The following FGD4 variants were observed in gnomAD, a reference collection of about 807,000 sequenced individuals.
FGD4 encodes the protein FYVE, RhoGEF and PH domain containing 4.
In FGD4, 42 loss-of-function variants were observed where a neutral mutation model predicts 102.0. The ratio of observed to expected loss-of-function variants is 0.41; its 90% CI spans 0.32 to 0.53. The LOEUF (loss-of-function observed/expected upper bound fraction) is 0.53. FGD4 is among the 20% of genes least tolerant of loss of function. FGD4 has a pLI of 0.21. For missense variants in FGD4, 902 were observed against 1,078.2 expected (o/e 0.84, Z 2.29); for synonymous variants, 380 against 375.7 (o/e 1.01, Z -0.13).
intron 16 of FGD4, chr12:32,639,043 TG>T: frequency 9.6e-7 from 1 of 1,038,464 alleles, no homozygotes; most frequent in Non-Finnish European, 1.3e-6. Context: ...TGAGAAAAGA[TG>T]AGTTGAATTA....
intron 3 of FGD4, 150 bp from the exon 4 acceptor site, chr12:32,581,810 A>C: frequency 1.2e-6 from 1 of 815,054 alleles, no homozygotes; most frequent in Non-Finnish European, 1.9e-6. Flanking sequence ...TTGGGTCTAC[A>C]CTAAGAATAT....
intron 4 of FGD4, among the ~76,000 whole-genome samples, chr12:32,590,226 C>T (rs976963798): frequency 2.0e-5 from 3 of 149,936 alleles, no homozygotes; most frequent in African/African-American, 7.4e-5. Flanking sequence ...AGGAGAATCA[C>T]TTGAACCCGA....
In FGD4 at chr12:32,576,361, G is replaced by A; in HGVS notation, c.415G>A (p.Glu139Lys). 2 of 1,614,086 alleles carry A rather than the reference G, an allele frequency of 1.2e-6. No homozygotes were observed. The highest frequency in any genetic ancestry group is 1.7e-6 in the Non-Finnish European group (2 of 1,180,008). ...KALPSAKPRM[E>K]EIKPASASCV... is the part of the protein sequence containing the mutation. ...TTTACCTAGTGCAAAACCAAGGATG[G>A]AGGAAATTAAACCTGCCTCTGCTTC... is the stretch of plus-strand genomic sequence containing the variant. The change falls in exon 3 of 17, where the codon GAG (glutamate) becomes AAG (lysine). Residue 139 changes from glutamate to lysine, a missense_variant. Physicochemically the swap from Glu to Lys is moderately conservative, Grantham distance 56. Coordinates refer to ENST00000534526, the MANE Select transcript of FGD4 (RefSeq NM_001370298.3).
At chr12:32,446,069 C>T (rs1303794329) in intron 1 of FGD4, among the ~76,000 whole-genome samples, 1 of 152,124 alleles carries the variant, frequency 6.6e-6, no homozygotes, top group Non-Finnish European at 1.5e-5. Flanking sequence ...GGGAGAATCA[C>T]CTGACCCTAG....
At position 32,576,444 on chromosome 12, in the gene FGD4, A is replaced by AGGC. The variant is rs1223446306; in HGVS notation, c.499_501dup (p.Gly167dup). 7.4e-6 allele frequency: 12 copies of AGGC among 1,614,026 alleles called. No homozygotes were observed. Among genetic ancestry groups the AGGC allele is most frequent in the Non-Finnish European group, 9.3e-6 (11 of 1,180,008 alleles). ...CAGATCTCATCAGTCGCTTTGAAGG[A>AGGC]GGCAGGTAAGAGCTAATTTACAATG... On this transcript the variant is annotated inframe_insertion, in exon 3 of 17. Transcript: ENST00000534526.
At chr12:32,594,379 G>A (rs1947708362) in intron 4 of FGD4, among the ~76,000 whole-genome samples, 1 of 152,172 alleles carries the variant, frequency 6.6e-6, no homozygotes, top group Non-Finnish European at 1.5e-5. Context: ...ATCTGTCGCT[G>A]TCTCCCATCA....
intron 1 of FGD4, among the ~76,000 whole-genome samples, chr12:32,404,859 G>A (rs1940855152): frequency 6.6e-6 from 1 of 152,144 alleles, no homozygotes; most frequent in Non-Finnish European, 1.5e-5. Context: ...GCTCCTTAAA[G>A]ATGGGCTCTG....
intron 11 of FGD4, among the ~76,000 whole-genome samples, chr12:32,621,241 T>C (rs979847707): frequency 4.6e-5 from 7 of 151,960 alleles, no homozygotes; most frequent in African/African-American, 1.7e-4. Flanking sequence ...CCAGGCATGA[T>C]CCTGTTCCTG....
At chr12:32,578,256 T>C (rs745415533) in intron 3 of FGD4, among the ~76,000 whole-genome samples, 1 of 152,224 alleles carries the variant, frequency 6.6e-6, no homozygotes, top group African/African-American at 2.4e-5. Flanking sequence ...AACAATGTTA[T>C]GTTCTCAGTG....
At chr12:32,630,693 G>A (rs1950450192) in intron 14 of FGD4, among the ~76,000 whole-genome samples, 1 of 151,976 alleles carries the variant, frequency 6.6e-6, no homozygotes, top group Non-Finnish European at 1.5e-5. Context: ...GCATGTGCTT[G>A]TAATCCCAGA....
chr12:32,469,261 A>T (rs1943350929), intron 1 of FGD4, among the ~76,000 whole-genome samples: 1 of 152,106 alleles, frequency 6.6e-6, no homozygotes, highest in South Asian at 2.1e-4. Flanking sequence ...GAAATCTTTT[A>T]AAATTCCCTA....
intron 5 of FGD4, chr12:32,600,580 C>CTTTTTTTTTTT (rs753429889): frequency 3.8e-6 from 1 of 265,920 alleles, no homozygotes; most frequent in African/African-American, 4.8e-5. Context: ...TTCTTTCTTT[C>CTTTTTTTTTTT]TTTCTTTCTT....
rs770560590 is a variant in FGD4 at position 32,422,288 on chromosome 12, C to CTTTTTTTTTTTTTTTTTTTTTTTTTTTTT, written c.166+22357_166+22358insTTTTTTTTTTTTTTTTTTTTTTTTTTTTT. Among the ~76,000 whole-genome samples, 10 of 54,174 alleles carry CTTTTTTTTTTTTTTTTTTTTTTTTTTTTT rather than the reference C, an allele frequency of 1.8e-4. 2 individuals are homozygous for CTTTTTTTTTTTTTTTTTTTTTTTTTTTTT. The highest frequency in any genetic ancestry group is 5.2e-4 in the Admixed American group (2 of 3,854). The allele number at this position is 54,174 out of a possible 152,430, so 35.5% of individuals were successfully genotyped here. ...TTGAAGCATCTCAAATTGGGAGCTGCTTTTTTTTTTTTTTTTTTTTTTTTT... is the reference window on the plus strand; with the variant it reads ...TTGAAGCATCTCAAATTGGGAGCTGCTTTTTTTTTTTTTTTTTTTTTTTTTTTTTTTTTTTTTTTTTTTTTTTTTTTTTT... On this transcript the variant is annotated intron_variant, in intron 1 of 16. Coordinates refer to ENST00000534526, the MANE Select transcript of FGD4 (RefSeq NM_001370298.3).
intron 1 of FGD4, among the ~76,000 whole-genome samples, chr12:32,428,418 T>A (rs556050892): frequency 1.5e-4 from 23 of 152,380 alleles, no homozygotes; most frequent in African/African-American, 5.5e-4. Flanking sequence ...TTGTAGGGTT[T>A]CTGCAGAGAG....
At chr12:32,584,296 C>T (rs898726886) in intron 4 of FGD4, among the ~76,000 whole-genome samples, 3 of 152,224 alleles carry the variant, frequency 2.0e-5, no homozygotes, top group South Asian at 2.1e-4. Context: ...ACCTTTGCTG[C>T]ACTGATGTTT....
intron 10 of FGD4, among the ~76,000 whole-genome samples, chr12:32,613,580 T>C (rs2136799983): frequency 6.6e-6 from 1 of 152,066 alleles, no homozygotes; most frequent in East Asian, 1.9e-4. Flanking sequence ...TACAGAGACC[T>C]CCCTGTCTCT....
intron 4 of FGD4, among the ~76,000 whole-genome samples, chr12:32,585,888 G>A (rs553653258): frequency 6.6e-6 from 1 of 150,604 alleles, no homozygotes; most frequent in Non-Finnish European, 1.5e-5. Context: ...GAGCAGTTGT[G>A]CCCCAGGAGT....
At chr12:32,605,665 G>C (rs1244562812) in intron 7 of FGD4, among the ~76,000 whole-genome samples, 1 of 152,082 alleles carries the variant, frequency 6.6e-6, no homozygotes, top group Non-Finnish European at 1.5e-5. Context: ...TTTTCCATCT[G>C]ACTTTTTAGG....
At chr12:32,604,318 A>T (rs7136686) in intron 7 of FGD4, among the ~76,000 whole-genome samples, 81,259 of 151,498 alleles carry the variant, frequency 0.54, 23,965 homozygotes, top group African/African-American at 0.78. Context: ...TCTCTTTTTT[A>T]AAATCTTTTT....
Sources: allele counts gnomAD v4.1 joint callset (sites outside exome capture counted in the v4.1 genomes callset), GRCh38; gene constraint gnomAD v4.1.1; transcripts MANE v1.5; gene names NCBI Gene and HGNC (gene_info 2026-07-23, HGNC 2026-07-21).